Variants in DOCK11 observed in about 807,000 individuals in gnomAD.
The protein encoded by DOCK11 is dedicator of cytokinesis 11, also known as dedicator of cytokinesis protein 11.
In DOCK11, 70 loss-of-function variants were observed where a neutral mutation model predicts 169.1. The ratio of observed to expected loss-of-function variants is 0.41; its 90% CI spans 0.34 to 0.51. The LOEUF (loss-of-function observed/expected upper bound fraction) is 0.51. DOCK11 is among the 20% of genes least tolerant of loss of function. DOCK11 has a pLI of 0.10. For synonymous variants in DOCK11, 529 were observed against 541.3 expected, an observed-to-expected ratio of 0.98 and a Z score of 0.32; for missense variants, 1,166 against 1,538.8, an observed-to-expected ratio of 0.76 and a Z score of 4.05.
intron 6 of DOCK11, 21 bp from the exon 7 acceptor site, chrX:118,561,362 T>C (rs765230428): frequency 5.2e-6 from 6 of 1,164,563 alleles, no homozygotes; most frequent in Non-Finnish European, 4.6e-6. Flanking sequence ...AATGTATCAT[T>C]GCTGGGTTTT....
intron 35 of DOCK11, among the ~76,000 whole-genome samples, chrX:118,634,970 C>T (rs920266460): frequency 6.3e-5 from 7 of 111,485 alleles, no homozygotes; most frequent in African/African-American, 1.3e-4. Flanking sequence ...CAGATCCACC[C>T]GCCTCGGCCT....
At chrX:118,583,363 G>A (rs2013714835) in intron 14 of DOCK11, among the ~76,000 whole-genome samples, 1 of 110,411 alleles carries the variant, frequency 9.1e-6, no homozygotes, top group South Asian at 3.9e-4. Context: ...AACCACCATG[G>A]CACATGTATA....
chrX:118,646,526 G>A (rs1476904800), intron 40 of DOCK11, among the ~76,000 whole-genome samples: 1 of 111,326 alleles, frequency 9.0e-6, no homozygotes, highest in Admixed American at 9.6e-5. Context: ...TGACGTATAC[G>A]GAGTAGTCAA....
intron 45 of DOCK11, among the ~76,000 whole-genome samples, chrX:118,665,361 G>T (rs752801093): frequency 7.1e-5 from 8 of 112,203 alleles, no homozygotes; most frequent in Non-Finnish European, 1.5e-4. Flanking sequence ...CTGGATATTA[G>T]TTAGATGATT....
intron 6 of DOCK11, among the ~76,000 whole-genome samples, chrX:118,553,920 C>G (rs1407858827): frequency 1.8e-5 from 2 of 112,007 alleles, no homozygotes; most frequent in Non-Finnish European, 3.8e-5. Flanking sequence ...ATTCATATTA[C>G]TTCTCAAAAA....
intron 7 of DOCK11, among the ~76,000 whole-genome samples, chrX:118,563,813 G>A (rs1055051892): frequency 3.7e-5 from 4 of 108,467 alleles, no homozygotes; most frequent in Admixed American, 1.0e-4. Context: ...GGGTTCAGGC[G>A]ATTCTCCTGC....
Position 118,639,417 on chromosome X carries a change from C to A in DOCK11, c.4002-18C>A. The A allele has an allele frequency of 8.3e-7, 1 of 1,205,564 alleles. No individual in the cohort carries two copies. Among genetic ancestry groups the A allele is most frequent in the Non-Finnish European group, 1.1e-6 (1 of 891,944 alleles). On this transcript the variant is annotated intron_variant, in intron 37 of 52. Transcript: ENST00000276202. ...GTTATTAGAGCACTCCAGTTCCTGA[C>A]TTTAAAATTTATTTTAGGGTGCATG...
chrX:118,502,099 A>G (rs1002112061), intron 1 of DOCK11, among the ~76,000 whole-genome samples: 2 of 105,040 alleles, frequency 1.9e-5, no homozygotes, highest in African/African-American at 3.5e-5. Context: ...CTGCATCTGT[A>G]TTCTTTAAAA....
At chrX:118,662,939 T>A (rs1218866820) in intron 45 of DOCK11, 147 bp downstream of exon 45, 2 of 430,582 alleles carry the variant, frequency 4.6e-6, no homozygotes, top group East Asian at 8.0e-5. Context: ...AGGGCAAAGA[T>A]GTTCCTGTTT....
chrX:118,649,572 GC>G (rs1251531123), intron 41 of DOCK11, among the ~76,000 whole-genome samples: 1 of 111,654 alleles, frequency 9.0e-6, no homozygotes, highest in Non-Finnish European at 1.9e-5. Flanking sequence ...AGGCTGGAGT[GC>G]TGTGGCATGA....
intron 9 of DOCK11, among the ~76,000 whole-genome samples, 193 bp downstream of exon 9, chrX:118,566,846 G>A (rs1248288859): frequency 8.9e-6 from 1 of 112,222 alleles, no homozygotes; most frequent in Non-Finnish European, 1.9e-5. Flanking sequence ...CTGACAGTTT[G>A]GAAAAATCTT....
rs371627160 is a variant in DOCK11 at position 118,670,991 on chromosome X, T to A, written c.5077-32T>A. The A allele has an allele frequency of 2.7e-4, 313 of 1,146,871 alleles. 1 individual carries two copies. Among genetic ancestry groups the A allele is most frequent in the Non-Finnish European group, 3.4e-4 (291 of 860,341 alleles). The allele number at this position is 1,146,871 out of a possible 1,213,427, so 94.5% of individuals were successfully genotyped here. A position where few individuals can be genotyped will look rare whatever the true frequency, so the allele number is the denominator to read the frequency against. On this transcript the variant is annotated intron_variant, in intron 45 of 52. Coordinates refer to ENST00000276202, the MANE Select transcript of DOCK11 (RefSeq NM_144658.4). ...TTGTCCAAAACTCTAAAACTATTTT[T>A]AATTCCTAATTGGATTTTTCTCTTA...
intron 40 of DOCK11, among the ~76,000 whole-genome samples, chrX:118,647,754 T>TAA (rs1569440627): frequency 1.1e-4 from 5 of 43,687 alleles, no homozygotes; most frequent in Non-Finnish European, 1.7e-4. Flanking sequence ...TATATAATAA[T>TAA]ATATAATATA....
In DOCK11 at chrX:118,651,474, A is replaced by G. The variant is rs140497556; in HGVS notation, c.4582-490A>G. 2.7e-5 allele frequency among the ~76,000 whole-genome samples: 3 copies of G among 111,824 alleles called. No individual in the cohort carries two copies. In the East Asian group the frequency reaches 8.4e-4, roughly 31 times the overall value. On this transcript the variant is annotated intron_variant, in intron 41 of 52. Transcript: ENST00000276202. ...AAGAAGTACCATCAAAGTCCATTCC[A>G]TAAACTTCTGTTAAACTAGGTAAAC...
chrX:118,553,565 T>G (rs2012576304), intron 6 of DOCK11, among the ~76,000 whole-genome samples: 1 of 111,358 alleles, frequency 9.0e-6, no homozygotes, highest in Admixed American at 9.6e-5. Flanking sequence ...CCTTTAAAAT[T>G]TTTTTGGCAC....
At chrX:118,637,710 G>A (rs142750503) in intron 36 of DOCK11, among the ~76,000 whole-genome samples, 43 of 111,559 alleles carry the variant, frequency 3.9e-4, no homozygotes, top group African/African-American at 1.3e-3. Context: ...AGTGAGCCGC[G>A]CATGATCATT....
intron 31 of DOCK11, among the ~76,000 whole-genome samples, chrX:118,622,320 A>G (rs181780121): frequency 1.1e-3 from 127 of 112,386 alleles, no homozygotes; most frequent in African/African-American, 3.7e-3. Flanking sequence ...TTTTCACTTA[A>G]CAATACAGCC....
chrX:118,535,253 T>C (rs1187501434), intron 1 of DOCK11, among the ~76,000 whole-genome samples: 6 of 111,617 alleles, frequency 5.4e-5, no homozygotes, highest in Non-Finnish European at 1.1e-4. Flanking sequence ...GGCTTGGGAG[T>C]CCATCAGATA....
At chrX:118,684,142 C>G (rs1382881389) in intron 52 of DOCK11, among the ~76,000 whole-genome samples, 15 of 111,335 alleles carry the variant, frequency 1.3e-4, no homozygotes, top group Admixed American at 1.3e-3. Context: ...TCTTGAGCTC[C>G]ATAAATGATT....
Sources: allele counts gnomAD v4.1 joint callset (sites outside exome capture counted in the v4.1 genomes callset), GRCh38; gene constraint gnomAD v4.1.1; transcripts MANE v1.5; gene names NCBI Gene and HGNC (gene_info 2026-07-23, HGNC 2026-07-21).